Variants in TENM2 observed in about 807,000 individuals in gnomAD.
TENM2 encodes the protein teneurin transmembrane protein 2, also known as teneurin-2.
In TENM2, 52 loss-of-function variants were observed where a neutral mutation model predicts 245.2. The ratio of observed to expected loss-of-function variants is 0.21; its 90% CI spans 0.17 to 0.27. TENM2 has a LOEUF of 0.27. Ranked by LOEUF, TENM2 falls within the 10% of genes least tolerant of loss-of-function variation. The probability of loss-of-function intolerance (pLI) is 1.00; values close to 1 mark genes in which losing one functional copy is unlikely to be tolerated. For missense variants in TENM2, 3,046 were observed against 3,666.8 expected, an observed-to-expected ratio of 0.83 and a Z score of 4.37; for synonymous variants, 1,363 against 1,438.9, an observed-to-expected ratio of 0.95 and a Z score of 1.19.
intron 2 of TENM2, among the ~76,000 whole-genome samples, chr5:167,730,187 A>C (rs556751816): frequency 6.6e-6 from 1 of 152,332 alleles, no homozygotes; most frequent in African/African-American, 2.4e-5. Flanking sequence ...AGCATACTAC[A>C]GAAACCTATT....
At chr5:167,102,132 A>C in the TENM2 span, among the ~76,000 whole-genome samples, 1 of 150,942 alleles carries the variant, frequency 6.6e-6, no homozygotes, top group East Asian at 2.0e-4. Context: ...GGGCTGAGGC[A>C]GGAGAATTGC....
intron 13 of TENM2, chr5:168,186,787 C>T (rs1303119936): frequency 6.6e-6 from 1 of 152,182 alleles, no homozygotes; most frequent in Admixed American, 6.5e-5. Context: ...CCTGAACTGG[C>T]AATTCAGAAC....
chr5:167,920,335 AAAAAAG>A (rs1433093269), intron 3 of TENM2, among the ~76,000 whole-genome samples: 2 of 149,366 alleles, frequency 1.3e-5, no homozygotes, highest in African/African-American at 5.0e-5. Context: ...CTACTTAAAA[AAAAAAG>A]AAAAAAAAAG....
At chr5:167,288,094 A>G (rs1754399081) in intron 1 of TENM2, among the ~76,000 whole-genome samples, 1 of 152,066 alleles carries the variant, frequency 6.6e-6, no homozygotes, top group Admixed American at 6.6e-5. Flanking sequence ...GGTGAAGAGC[A>G]ATGTGATATA....
chr5:167,824,430 C>G (rs972924694), intron 2 of TENM2, among the ~76,000 whole-genome samples: 2 of 152,184 alleles, frequency 1.3e-5, no homozygotes, highest in East Asian at 1.9e-4. Flanking sequence ...AGCTGGCAAC[C>G]CTCAGAGCTC....
At position 168,017,763 on chromosome 5, in the gene TENM2, T is replaced by C. The variant is rs184327691; in HGVS notation, c.1186+24581T>C. Among the ~76,000 whole-genome samples the C allele has an allele frequency of 4.1e-3, 628 of 152,274 alleles. 7 individuals are homozygous for C. The highest frequency in any genetic ancestry group is 3.7e-3 in the Non-Finnish European group (252 of 68,014). ...TTGGCTCAATAATTATCCCAACTGT[T>C]TTTTCAGTTGTGGCTATTTGAGAAA... is the stretch of plus-strand genomic sequence containing the variant. On this transcript the variant is annotated intron_variant, in intron 5 of 28. Transcript: ENST00000518659.
the TENM2 span, among the ~76,000 whole-genome samples, chr5:167,231,173 G>A: frequency 6.6e-6 from 1 of 152,186 alleles, no homozygotes; most frequent in Non-Finnish European, 1.5e-5. Context: ...GGCAGCATGA[G>A]AATGGAATAA....
chr5:167,293,746 T>C (rs1189216221), intron 1 of TENM2, among the ~76,000 whole-genome samples: 1 of 152,118 alleles, frequency 6.6e-6, no homozygotes, highest in African/African-American at 2.4e-5. Flanking sequence ...AACCTAAGTA[T>C]AAAAAATGTA....
intron 2 of TENM2, among the ~76,000 whole-genome samples, chr5:167,648,541 G>T (rs1045139197): frequency 3.3e-5 from 5 of 152,118 alleles, no homozygotes; most frequent in African/African-American, 1.2e-4. Flanking sequence ...TCACGTACCC[G>T]TACCTTCCTC....
intron 2 of TENM2, among the ~76,000 whole-genome samples, chr5:167,589,694 A>AT (rs1234622919): frequency 1.3e-5 from 2 of 152,072 alleles, no homozygotes; most frequent in Non-Finnish European, 2.9e-5. Flanking sequence ...AACCCACTTA[A>AT]ACAGGTGAAT....
At chr5:167,512,769 A>T (rs1224401594) in intron 2 of TENM2, among the ~76,000 whole-genome samples, 3 of 152,170 alleles carry the variant, frequency 2.0e-5, no homozygotes, top group Non-Finnish European at 2.9e-5. Context: ...AAAGCAATTT[A>T]ATTTTTCCTA....
intron 7 of TENM2, among the ~76,000 whole-genome samples, chr5:168,071,097 C>T (rs1339099912): frequency 6.6e-6 from 1 of 152,182 alleles, no homozygotes; most frequent in African/African-American, 2.4e-5. Flanking sequence ...CTCTGAACTC[C>T]AGCCTCCAAT....
At chr5:167,739,579 A>C (rs764241780) in intron 2 of TENM2, among the ~76,000 whole-genome samples, 5 of 152,132 alleles carry the variant, frequency 3.3e-5, no homozygotes, top group Non-Finnish European at 7.3e-5. Context: ...GGCAGGGAGC[A>C]AGTCTGTGCT....
At chr5:167,473,918 T>A (rs1767201918) in intron 2 of TENM2, among the ~76,000 whole-genome samples, 1 of 152,140 alleles carries the variant, frequency 6.6e-6, no homozygotes, top group Non-Finnish European at 1.5e-5. Flanking sequence ...AATTGGAGCT[T>A]TGCAATGGGC....
intron 9 of TENM2, among the ~76,000 whole-genome samples, chr5:168,109,026 A>G (rs1705371574): frequency 2.6e-5 from 4 of 152,048 alleles, no homozygotes; most frequent in African/African-American, 2.4e-5. Flanking sequence ...CAAACCTTCC[A>G]TCATTCATAC....
chr5:167,631,365 G>T (rs1176786830), intron 2 of TENM2, among the ~76,000 whole-genome samples: 3 of 152,172 alleles, frequency 2.0e-5, no homozygotes, highest in Non-Finnish European at 4.4e-5. Flanking sequence ...CTTGGTGCCA[G>T]CCATATAAAG....
At chr5:167,383,280 G>GGA (rs916966835) in intron 2 of TENM2, among the ~76,000 whole-genome samples, 1 of 152,070 alleles carries the variant, frequency 6.6e-6, no homozygotes, top group African/African-American at 2.4e-5. Flanking sequence ...AGTTTTGGGG[G>GGA]GAGAGAGAGA....
the TENM2 span, among the ~76,000 whole-genome samples, chr5:167,245,656 A>G: frequency 6.6e-6 from 1 of 152,186 alleles, no homozygotes; most frequent in Non-Finnish European, 1.5e-5. Flanking sequence ...GTTATGGAAC[A>G]TCAAACAATG....
Position 167,301,875 on chromosome 5 carries a change from G to C in TENM2, c.226+16812G>C, listed in dbSNP as rs199906981. Among the ~76,000 whole-genome samples, 46 of 152,288 alleles carry C rather than the reference G, an allele frequency of 3.0e-4. No individual in the cohort carries two copies. The East Asian group carries it at 7.7e-3, about 26-fold the overall frequency. ...AGTCACAGAACAAAACTGTAAGCCG[G>C]ACCGGGTGTGAGGAGGGGAGGTGAT... On this transcript the variant is annotated intron_variant, in intron 1 of 28. Coordinates refer to ENST00000518659, the Ensembl canonical transcript of TENM2.
Sources: gnomAD v4.1 joint callset for allele counts (sites outside exome capture counted in the v4.1 genomes callset) on GRCh38, gnomAD v4.1.1 for gene constraint, MANE v1.5 for transcripts, NCBI Gene and HGNC (gene_info 2026-07-23, HGNC 2026-07-21) for gene names.